The following TRMT9B variants were observed in gnomAD, a reference collection of about 807,000 sequenced individuals.
TRMT9B encodes the protein probable tRNA methyltransferase 9B.
In TRMT9B, 16 loss-of-function variants were observed where a neutral mutation model predicts 11.5. The observed-to-expected ratio is 1.39, with a 90% CI of 0.94 to 2.11. The LOEUF (loss-of-function observed/expected upper bound fraction) is 2.11. Ranked by LOEUF, TRMT9B falls within the 30% of genes most tolerant of loss-of-function variation. The probability of loss-of-function intolerance (pLI) is 0.00; values close to 1 mark genes in which losing one functional copy is unlikely to be tolerated. For synonymous variants in TRMT9B, 274 were observed against 192.4 expected (o/e 1.42, Z -3.51); for missense variants, 941 against 553.8 (o/e 1.70, Z -7.02).
At chr8:12,997,795 C>T (rs890103733) in intron 2 of TRMT9B, among the ~76,000 whole-genome samples, 1 of 152,120 alleles carries the variant, frequency 6.6e-6, no homozygotes, top group African/African-American at 2.4e-5. Flanking sequence ...ATAGGCTATG[C>T]ATATGTGTAG....
chr8:12,973,083 G>A (rs1282907762), intron 1 of TRMT9B, among the ~76,000 whole-genome samples: 41 of 152,218 alleles, frequency 2.7e-4, no homozygotes, highest in Non-Finnish European at 4.9e-4. Context: ...GAGTCATGCA[G>A]TGTTTGTCCT....
rs1220856986 is a variant in TRMT9B at position 13,024,723 on chromosome 8, C to A, written c.*2679C>A. 1 of 167,016 alleles carries A rather than the reference C, an allele frequency of 6.0e-6. No individual in the cohort carries two copies. 10.3% of individuals were successfully genotyped at this position (167,016 alleles called of 1,614,324 possible). ...CTTTGGAGAGAAATATTTTCATGTA[C>A]GTTTGACAGGGGTGTAAATAAAGCA... On this transcript the variant is annotated 3_prime_UTR_variant, in exon 5 of 5. Coordinates refer to ENST00000524591, the MANE Select transcript of TRMT9B (RefSeq NM_020844.3).
chr8:12,975,524 G>T (rs1351983726), intron 1 of TRMT9B, among the ~76,000 whole-genome samples: 1 of 152,070 alleles, frequency 6.6e-6, no homozygotes, highest in African/African-American at 2.4e-5. Context: ...ATCACTTGAG[G>T]CCAGGAGTTC....
chr8:12,947,028 G>A (rs1381276201), intron 1 of TRMT9B, among the ~76,000 whole-genome samples: 3 of 152,284 alleles, frequency 2.0e-5, no homozygotes, highest in East Asian at 3.9e-4. Flanking sequence ...ACTCCAGCCC[G>A]TGAACATCCC....
chr8:13,001,341 G>A (rs1323134901), intron 2 of TRMT9B, among the ~76,000 whole-genome samples: 1 of 152,214 alleles, frequency 6.6e-6, no homozygotes, highest in African/African-American at 2.4e-5. Context: ...TCCCTGGAAA[G>A]AGGAGGCACA....
At chr8:12,952,086 G>A (rs1193656071) in intron 1 of TRMT9B, 5 of 397,816 alleles carry the variant, frequency 1.3e-5, no homozygotes, top group African/African-American at 1.1e-4. Context: ...AGTTACACCT[G>A]GTGCAGCCCT....
intron 1 of TRMT9B, among the ~76,000 whole-genome samples, chr8:12,981,672 T>G (rs893315488): frequency 6.6e-6 from 1 of 152,058 alleles, no homozygotes; most frequent in African/African-American, 2.4e-5. Context: ...TGATCATACC[T>G]CACTGCAGCC....
intron 2 of TRMT9B, among the ~76,000 whole-genome samples, chr8:12,992,959 C>G (rs773969407): frequency 1.3e-5 from 2 of 152,180 alleles, no homozygotes; most frequent in Non-Finnish European, 2.9e-5. Flanking sequence ...AGAAACTGTG[C>G]TAGACTTTGC....
intron 2 of TRMT9B, among the ~76,000 whole-genome samples, chr8:12,998,438 A>G (rs1051947595): frequency 5.3e-5 from 8 of 152,124 alleles, no homozygotes; most frequent in South Asian, 2.1e-4. Context: ...TAGAGCTAAA[A>G]CATAGAGGAC....
intron 1 of TRMT9B, among the ~76,000 whole-genome samples, chr8:12,964,790 C>G (rs2954166): frequency 2.6e-5 from 4 of 152,052 alleles, no homozygotes; most frequent in Non-Finnish European, 5.9e-5. Context: ...TGGGGTGTCA[C>G]TACGATGCCT....
chr8:12,977,118 C>A (rs1339943035), intron 1 of TRMT9B, among the ~76,000 whole-genome samples: 1 of 152,200 alleles, frequency 6.6e-6, no homozygotes, highest in African/African-American at 2.4e-5. Context: ...TCTATTGAAT[C>A]CCTCTCCAGT....
chr8:12,971,900 A>C lies in TRMT9B; in HGVS notation c.-199-18934A>C, dbSNP rs373846142. Among the ~76,000 whole-genome samples, 13 of 152,262 alleles carry C rather than the reference A, an allele frequency of 8.5e-5. No individual in the cohort carries two copies. The East Asian group carries it at 2.1e-3, about 25-fold the overall frequency. ...CCAGGCCATGTTTAGAATGCAGAAC[A>C]TAGCATCAGTGAACCAAAAAAAACC... On this transcript the variant is annotated intron_variant, in intron 1 of 4. Transcript: ENST00000524591.
At chr8:12,948,926 C>G (rs1308549589) in intron 1 of TRMT9B, among the ~76,000 whole-genome samples, 1 of 152,172 alleles carries the variant, frequency 6.6e-6, no homozygotes, top group Non-Finnish European at 1.5e-5. Context: ...CACCACTGCA[C>G]TCCAGCCTGG....
intron 2 of TRMT9B, among the ~76,000 whole-genome samples, chr8:13,005,085 CAAA>C (rs1223540759): frequency 4.6e-5 from 4 of 87,670 alleles, no homozygotes; most frequent in Non-Finnish European, 9.4e-5. Flanking sequence ...GACTGCATCT[CAAA>C]AAAAAAAAAA....
intron 3 of TRMT9B, among the ~76,000 whole-genome samples, chr8:13,009,596 G>A (rs1014517529): frequency 1.3e-5 from 2 of 152,096 alleles, no homozygotes; most frequent in African/African-American, 4.8e-5. Context: ...GCGTATTTGT[G>A]CCTGTGAGAG....
chr8:12,956,699 G>C (rs748495575), intron 1 of TRMT9B, among the ~76,000 whole-genome samples: 10 of 152,104 alleles, frequency 6.6e-5, no homozygotes, highest in African/African-American at 2.4e-4. Flanking sequence ...TGTTTTTCCC[G>C]AATCTTTCTC....
chr8:12,990,647 T>C (rs143882530), intron 1 of TRMT9B, among the ~76,000 whole-genome samples, 187 bp from the exon 2 acceptor site: 18 of 152,300 alleles, frequency 1.2e-4, no homozygotes, highest in Non-Finnish European at 2.2e-4. Context: ...AGCTTAGGAA[T>C]TGATTTATTG....
chr8:12,985,080 A>C (rs1288137291), intron 1 of TRMT9B, among the ~76,000 whole-genome samples: 2 of 151,956 alleles, frequency 1.3e-5, no homozygotes, highest in South Asian at 2.1e-4. Flanking sequence ...TGAACAGTTC[A>C]TTTAGACACA....
chr8:13,007,100 A>T (rs561420069), intron 3 of TRMT9B: 1 of 152,252 alleles, frequency 6.6e-6, no homozygotes, highest in African/African-American at 2.4e-5. Context: ...AAATTTAAAG[A>T]TATTCACATT....
Sources: allele counts gnomAD v4.1 joint callset (sites outside exome capture counted in the v4.1 genomes callset), GRCh38; gene constraint gnomAD v4.1.1; transcripts MANE v1.5; gene names NCBI Gene and HGNC (gene_info 2026-07-23, HGNC 2026-07-21).